IL16: variants seen among roughly 807,000 people sequenced by gnomAD.
IL16 encodes the protein pro-interleukin-16.
A neutral mutation model predicts 110.1 loss-of-function variants in IL16; 67 were observed. That is an observed-to-expected ratio of 0.61 (90% confidence interval 0.50 to 0.75). The LOEUF (loss-of-function observed/expected upper bound fraction) is 0.75, where lower values mean the gene tolerates loss of function less well. Ranked by LOEUF, IL16 falls within the 30% of genes least tolerant of loss-of-function variation. The pLI is 0.00. For missense variants in IL16, 1,545 were observed against 1,655.0 expected (o/e 0.93, Z 1.15); for synonymous variants, 689 against 662.9 (o/e 1.04, Z -0.61).
chr15:81,269,719 G>T, intron 5 of IL16, 71 bp downstream of exon 5: 1 of 1,065,436 alleles, frequency 9.4e-7, no homozygotes, highest in East Asian at 2.4e-5. Context: ...GCTGTGTCCA[G>T]GGAAGGATGG....
chr15:81,298,718 G>A (rs1039742219), intron 13 of IL16, among the ~76,000 whole-genome samples: 1 of 152,188 alleles, frequency 6.6e-6, no homozygotes, highest in South Asian at 2.1e-4. Context: ...CTCCTTTGCC[G>A]AGAGCAAGCT....
At chr15:81,276,526 G>T (rs919044460) in intron 6 of IL16, among the ~76,000 whole-genome samples, 30 of 152,154 alleles carry the variant, frequency 2.0e-4, no homozygotes, top group African/African-American at 7.2e-4. Flanking sequence ...TAATGAAAGA[G>T]TTTCCCCTCA....
chr15:81,224,658 T>C (rs1389325333), intron 1 of IL16, among the ~76,000 whole-genome samples: 1 of 152,222 alleles, frequency 6.6e-6, no homozygotes, highest in East Asian at 1.9e-4. Context: ...TCTTTTATGC[T>C]CACATCAACT....
At chr15:81,208,697 G>C (rs745439046) in intron 1 of IL16, among the ~76,000 whole-genome samples, 42 of 152,312 alleles carry the variant, frequency 2.8e-4, no homozygotes, top group Middle Eastern at 3.4e-3. Flanking sequence ...CAAACCTTGG[G>C]AGGAAGGTAG....
intron 2 of IL16, among the ~76,000 whole-genome samples, chr15:81,259,029 A>T (rs996918381): frequency 2.0e-5 from 3 of 152,176 alleles, no homozygotes; most frequent in Non-Finnish European, 4.4e-5. Context: ...TAATAAATTA[A>T]CATATATATA....
At chr15:81,194,391 A>G (rs776291250), upstream of IL16, among the ~76,000 whole-genome samples, 11 of 152,016 alleles carry the variant, frequency 7.2e-5, no homozygotes, top group Non-Finnish European at 1.3e-4. Flanking sequence ...TTACTTTTAT[A>G]ACTAAAATTT....
At chr15:81,290,947 C>A (rs1288876612) in intron 11 of IL16, among the ~76,000 whole-genome samples, 1 of 152,192 alleles carries the variant, frequency 6.6e-6, no homozygotes, top group Non-Finnish European at 1.5e-5. Context: ...TTATTTAATT[C>A]TTATAATTCT....
At chr15:81,288,035 G>A (rs1899528862) in intron 10 of IL16, among the ~76,000 whole-genome samples, 1 of 152,256 alleles carries the variant, frequency 6.6e-6, no homozygotes, top group Non-Finnish European at 1.5e-5. Context: ...TTCTCCCAGA[G>A]ACATGGGACA....
At chr15:81,295,580 C>A in intron 12 of IL16, 1 of 1,110,776 alleles carries the variant, frequency 9.0e-7, no homozygotes, top group Non-Finnish European at 1.2e-6. Flanking sequence ...TAGAGATCAT[C>A]AGGCCAATAT....
intron 2 of IL16, among the ~76,000 whole-genome samples, chr15:81,238,507 C>T (rs67093094): frequency 0.15 from 22,595 of 152,088 alleles, 1,971 homozygotes; most frequent in Middle Eastern, 0.21. Context: ...TTTACCACTT[C>T]GAGTAAAGTG....
At chr15:81,182,892 G>C in exon 1 of IL16, 1 of 1,289,206 alleles carries the variant, frequency 7.8e-7, no homozygotes, top group Non-Finnish European at 1.0e-6. Context: ...CGAGAAGGCA[G>C]AACGGTGAGT....
chr15:81,299,406 C>T lies in IL16; in HGVS notation c.2080C>T (p.Pro694Ser). ...GACCCAAACATCCCCGATAAAACAC[C>T]CACTGCTTAAGAGGCAGGCTCGGAT... ...PVTQTSPIKH[P>S]LLKRQARMDY... is the part of the protein sequence containing the mutation. Residue 694 changes from proline to serine, a missense_variant, in exon 14 of 19, where the codon CCA becomes TCA. Coordinates refer to ENST00000683961, the MANE Select transcript of IL16 (RefSeq NM_172217.5). 6.2e-7 allele frequency: 1 copy of T among 1,613,802 alleles called. No individual in the cohort carries two copies. The highest frequency in any genetic ancestry group is 8.5e-7 in the Non-Finnish European group (1 of 1,180,024).
intron 2 of IL16, among the ~76,000 whole-genome samples, chr15:81,256,146 A>T (rs1004512305): frequency 6.6e-6 from 1 of 152,164 alleles, no homozygotes; most frequent in African/African-American, 2.4e-5. Context: ...CCTGGTACAG[A>T]GTAAGTGCTT....
intron 5 of IL16, 152 bp downstream of exon 5, chr15:81,269,800 C>T: frequency 1.7e-6 from 1 of 599,894 alleles, no homozygotes; most frequent in Non-Finnish European, 3.0e-6. Context: ...TTAAAACTCA[C>T]ACCTGGCTGA....
chr15:81,239,766 C>T (rs1177387273), intron 2 of IL16, among the ~76,000 whole-genome samples: 1 of 140,562 alleles, frequency 7.1e-6, no homozygotes, highest in Non-Finnish European at 1.5e-5. Flanking sequence ...CGAGAACAGG[C>T]TTGTCTTTGT....
Position 81,313,250 on chromosome 15 carries a change from A to G in IL16, c.*4452A>G. The G allele has an allele frequency of 1.9e-6, 3 of 1,553,056 alleles. No homozygotes were observed. The highest frequency in any genetic ancestry group is 1.9e-5 in the Admixed American group (1 of 51,656). On this transcript the variant is annotated 3_prime_UTR_variant, in exon 19 of 19. Transcript: ENST00000683961. ...GGGAGTTCTTTGCCAAGAAGTAACG[A>G]TAGCATTACTCATGGAATTGCTTCA...
Position 81,293,029 on chromosome 15 carries a change from T to C in IL16, c.1894T>C (p.Cys632Arg). 6.2e-7 allele frequency: 1 copy of C among 1,604,986 alleles called. No homozygotes were observed. Among genetic ancestry groups the C allele is most frequent in the Non-Finnish European group, 8.5e-7 (1 of 1,178,210 alleles). ...CTCTTCTGGGCACACCCCACCCACC[T>C]GTGGCCAGGTAAGAGGATGGGTCCA... ...SCSSGHTPPT[C>R]GQEARELLPL... Residue 632 changes from cysteine (C) to arginine (R), a missense_variant, in exon 12 of 19, where the codon TGT (cysteine) becomes CGT (arginine). By Grantham distance (180) the Cys-to-Arg change is radical. This residue lies in a region of IL16 where 1,185 missense variants were observed against 1,238.8 expected (regional missense o/e 0.96). Transcript: ENST00000683961.
intron 8 of IL16, 119 bp downstream of exon 8, chr15:81,279,893 T>G (rs1899094503): frequency 2.5e-6 from 2 of 811,064 alleles, no homozygotes; most frequent in Non-Finnish European, 4.0e-6. Context: ...TTAGCACATT[T>G]TACAGCTACT....
intron 2 of IL16, among the ~76,000 whole-genome samples, chr15:81,231,044 T>C (rs576603041): frequency 6.6e-6 from 1 of 152,038 alleles, no homozygotes; most frequent in South Asian, 2.1e-4. Flanking sequence ...GATTCACAAA[T>C]AAATCATTTT....
Sources: allele counts gnomAD v4.1 joint callset (sites outside exome capture counted in the v4.1 genomes callset), GRCh38; gene constraint gnomAD v4.1.1; regional missense constraint gnomAD v4.1.1; transcripts MANE v1.5; gene names NCBI Gene and HGNC (gene_info 2026-07-23, HGNC 2026-07-21).